The following CCSER1 variants were observed in gnomAD, a reference collection of about 807,000 sequenced individuals.
CCSER1 encodes the protein serine-rich coiled-coil domain-containing protein 1.
Under a neutral mutation model 82.0 loss-of-function variants are expected in CCSER1, and 41 were observed. That is an observed-to-expected ratio of 0.50 (90% CI 0.39 to 0.65). The LOEUF is 0.65. Ranked by LOEUF, CCSER1 falls within the 30% of genes least tolerant of loss-of-function variation. CCSER1 has a pLI of 0.00. For synonymous variants in CCSER1, 414 were observed against 383.9 expected (o/e 1.08, Z -0.92); for missense variants, 1,119 against 1,064.2 (o/e 1.05, Z -0.72).
intron 7 of CCSER1, among the ~76,000 whole-genome samples, chr4:90,765,143 T>C (rs1751027303): frequency 6.6e-6 from 1 of 152,152 alleles, no homozygotes. Context: ...CTAACTCACT[T>C]AATTAACTCT....
In CCSER1 at chr4:91,085,970, A is replaced by G; in HGVS notation, c.2193A>G (p.Leu731=). 1 of 1,528,400 alleles carries G rather than the reference A, an allele frequency of 6.5e-7. No individual in the cohort carries two copies. The highest frequency in any genetic ancestry group is 8.9e-7 in the Non-Finnish European group (1 of 1,126,176). The allele number at this position is 1,528,400 out of a possible 1,614,324, so 94.7% of individuals were successfully genotyped here. A position where few individuals can be genotyped will look rare whatever the true frequency, so the allele number is the denominator to read the frequency against. ...LCYDGLNLKR[L]ETVQGGREAT... ...TTCAGGGTTTAAACTTGAAAAGACT[A>G]GAGACAGTACAAGGAGGGAGAGAGG... Residue 731 remains leucine, a synonymous_variant, in exon 10 of 11, where the codon CTA becomes CTG. Coordinates refer to ENST00000509176, the MANE Select transcript of CCSER1 (RefSeq NM_001145065.2).
chr4:91,119,996 T>C (rs1189087046), intron 10 of CCSER1, among the ~76,000 whole-genome samples: 2 of 151,996 alleles, frequency 1.3e-5, no homozygotes, highest in Non-Finnish European at 2.9e-5. Flanking sequence ...ATTTTAAAGA[T>C]AATAAAACTG....
chr4:90,835,342 A>G lies in CCSER1; in HGVS notation c.2094+19497A>G, dbSNP rs994253093. Among the ~76,000 whole-genome samples the G allele has an allele frequency of 1.2e-4, 19 of 152,348 alleles. No homozygotes were observed. In the East Asian group the frequency reaches 3.5e-3, roughly 28 times the overall value. ...CCAAACTCCGTCTCAAAATTAAAAT[A>G]AAATGAAATAAAATAAAATAAAATA... On this transcript the variant is annotated intron_variant, in intron 8 of 10. Transcript: ENST00000509176.
At chr4:90,258,248 C>T (rs1049585262) in intron 1 of CCSER1, among the ~76,000 whole-genome samples, 1 of 152,202 alleles carries the variant, frequency 6.6e-6, no homozygotes, top group African/African-American at 2.4e-5. Flanking sequence ...GGCACGGTGG[C>T]TCATGCCTGT....
At chr4:91,298,477 A>G (rs932754386) in intron 10 of CCSER1, among the ~76,000 whole-genome samples, 2 of 151,816 alleles carry the variant, frequency 1.3e-5, no homozygotes, top group Non-Finnish European at 2.9e-5. Flanking sequence ...TCAAAATTTT[A>G]TTTCATCCTT....
In CCSER1 at chr4:91,522,330, C is replaced by T. The variant is rs574194893; in HGVS notation, c.2218-76242C>T. On this transcript the variant is annotated intron_variant, in intron 10 of 10. Coordinates refer to ENST00000509176, the MANE Select transcript of CCSER1 (RefSeq NM_001145065.2). ...GGTAGCGTGATGCCTCAGCTTTGTTCTTTTTGCTTAGGATTGTCTTGGCTA... is the reference window on the plus strand; with the variant it reads ...GGTAGCGTGATGCCTCAGCTTTGTTTTTTTTGCTTAGGATTGTCTTGGCTA... 1.2e-4 allele frequency among the ~76,000 whole-genome samples: 18 copies of T among 152,212 alleles called. 1 individual carries two copies. In the South Asian group the frequency reaches 3.5e-3, roughly 30 times the overall value.
chr4:90,474,022 T>G (rs1764740053), intron 5 of CCSER1, among the ~76,000 whole-genome samples: 1 of 152,074 alleles, frequency 6.6e-6, no homozygotes, highest in Non-Finnish European at 1.5e-5. Flanking sequence ...ACGCCTATAG[T>G]TCCAGCTACT....
intron 10 of CCSER1, among the ~76,000 whole-genome samples, chr4:91,550,155 C>T (rs778903692): frequency 6.6e-6 from 1 of 152,184 alleles, no homozygotes; most frequent in Non-Finnish European, 1.5e-5. Context: ...AAGGGAAGGA[C>T]TTGTTAAAAA....
At chr4:90,379,945 G>A (rs967034481) in intron 3 of CCSER1, among the ~76,000 whole-genome samples, 13 of 152,126 alleles carry the variant, frequency 8.5e-5, no homozygotes, top group African/African-American at 2.7e-4. Flanking sequence ...AAGAGGAAGA[G>A]AAGGGGGAAT....
intron 8 of CCSER1, chr4:90,911,130 T>C (rs904075446): frequency 2.7e-6 from 1 of 363,778 alleles, no homozygotes; most frequent in African/African-American, 2.1e-5. Context: ...TTAATTCCAA[T>C]ATCCATTGTT....
intron 4 of CCSER1, among the ~76,000 whole-genome samples, chr4:90,466,937 AACTGAAAATAGCTTGTGTTCAT>A (rs1205158386): frequency 1.3e-5 from 2 of 152,188 alleles, no homozygotes; most frequent in Non-Finnish European, 2.9e-5. Context: ...AATAGCCCCA[AACTGAAAATAGCTTGTGTTCAT>A]TATTAACGAA....
chr4:90,589,780 T>TA (rs906852015), intron 5 of CCSER1, among the ~76,000 whole-genome samples: 69 of 151,742 alleles, frequency 4.5e-4, no homozygotes, highest in African/African-American at 1.1e-3. Context: ...CAGAGAATTC[T>TA]AAAAAAAAAT....
intron 9 of CCSER1, among the ~76,000 whole-genome samples, chr4:90,962,910 G>T (rs2150379400): frequency 6.6e-6 from 1 of 152,102 alleles, no homozygotes; most frequent in Non-Finnish European, 1.5e-5. Context: ...CAGCATTAAT[G>T]ATAATGCAGC....
chr4:90,144,729 G>A (rs760930785), intron 1 of CCSER1, among the ~76,000 whole-genome samples: 6 of 152,124 alleles, frequency 3.9e-5, no homozygotes, highest in Non-Finnish European at 5.9e-5. Flanking sequence ...TACATGCAGC[G>A]AATTTCAGAT....
chr4:90,389,387 T>C (rs1259893057), intron 3 of CCSER1, among the ~76,000 whole-genome samples: 1 of 152,210 alleles, frequency 6.6e-6, no homozygotes, highest in Non-Finnish European at 1.5e-5. Context: ...GTATTACATA[T>C]GAGTGCTTTT....
chr4:91,570,336 G>A (rs1360932561), intron 10 of CCSER1, among the ~76,000 whole-genome samples: 1 of 152,156 alleles, frequency 6.6e-6, no homozygotes, highest in Admixed American at 6.5e-5. Context: ...GCACCACTAG[G>A]CAGTGCCCCA....
At chr4:90,750,366 G>C (rs910888652) in intron 7 of CCSER1, among the ~76,000 whole-genome samples, 5 of 152,076 alleles carry the variant, frequency 3.3e-5, no homozygotes. Context: ...GAAGTTGCTT[G>C]GGTGCATGGA....
intron 3 of CCSER1, among the ~76,000 whole-genome samples, chr4:90,341,211 AT>A (rs1208144825): frequency 1.8e-4 from 27 of 152,116 alleles, no homozygotes; most frequent in Admixed American, 1.8e-3. Flanking sequence ...ACAGAATAGC[AT>A]CTTTACTGCT....
At position 91,342,762 on chromosome 4, in the gene CCSER1, G is replaced by C. The variant is rs555216822; in HGVS notation, c.2218-255810G>C. On this transcript the variant is annotated intron_variant, in intron 10 of 10. Coordinates refer to ENST00000509176, the MANE Select transcript of CCSER1 (RefSeq NM_001145065.2). ...AAAATGTTTCAATTACATATAGGTT[G>C]TATGCCTATTGTCAGGCATAGGAAT... Among the ~76,000 whole-genome samples the C allele has an allele frequency of 5.3e-4, 80 of 152,036 alleles. 1 individual carries two copies. Among genetic ancestry groups the C allele is most frequent in the Non-Finnish European group, 1.0e-3 (68 of 67,944 alleles).
Sources: allele counts gnomAD v4.1 joint callset (sites outside exome capture counted in the v4.1 genomes callset), GRCh38; gene constraint gnomAD v4.1.1; transcripts MANE v1.5; gene names NCBI Gene and HGNC (gene_info 2026-07-23, HGNC 2026-07-21).